The following DLGAP1 variants were observed in gnomAD, a reference collection of about 807,000 sequenced individuals.
DLGAP1 encodes the protein DLG associated protein 1, also known as disks large-associated protein 1.
DLGAP1 carries 11 observed loss-of-function variants against 90.8 expected under a neutral mutation model. That is an observed-to-expected ratio of 0.12 (90% CI 0.08 to 0.20). The LOEUF (loss-of-function observed/expected upper bound fraction) is 0.20, where lower values mean the gene tolerates loss of function less well. Among genes scored for constraint, DLGAP1 ranks in the 10% least tolerant of loss-of-function variants. DLGAP1 has a pLI of 1.00. For missense variants in DLGAP1, 1,050 were observed against 1,333.8 expected, an observed-to-expected ratio of 0.79 and a Z score of 3.31; for synonymous variants, 558 against 540.7, an observed-to-expected ratio of 1.03 and a Z score of -0.44.
intron 1 of DLGAP1, among the ~76,000 whole-genome samples, chr18:4,381,012 A>G (rs891947683): frequency 6.6e-6 from 1 of 152,204 alleles, no homozygotes; most frequent in Non-Finnish European, 1.5e-5. Flanking sequence ...AAGAATACTC[A>G]TTTAATTTAT....
intron 5 of DLGAP1, among the ~76,000 whole-genome samples, chr18:3,768,444 A>C (rs2064358185): frequency 6.6e-6 from 1 of 152,180 alleles, no homozygotes; most frequent in South Asian, 2.1e-4. Context: ...GATATAGACA[A>C]GATTTTTTAA....
Position 3,499,273 on chromosome 18 carries a change from T to G in DLGAP1, c.2846A>C (p.Lys949Thr). ...QEARKRLMAA[K>T]RAASVRQNSA... ...GTTCTGGCGGACGGACGCGGCGCGC[T>G]TGGCGGCCATCAGGCGCTTGCGGGC... The change falls in exon 13 of 13, where the codon AAG (lysine) becomes ACG (threonine). Residue 949 changes from lysine to threonine, a missense_variant. Lys to Thr is a moderately conservative substitution (Grantham distance 78). This residue lies in a region of DLGAP1 where 565 missense variants were observed against 879.7 expected (regional missense o/e 0.64). Transcript: ENST00000315677. The surrounding 1 kb of genome is among the most constrained non-coding windows in gnomAD (Gnocchi z 6.4). 6.3e-7 allele frequency: 1 copy of G among 1,599,602 alleles called. No individual in the cohort carries two copies. Among genetic ancestry groups the G allele is most frequent in the Non-Finnish European group, 8.5e-7 (1 of 1,174,058 alleles).
intron 7 of DLGAP1, among the ~76,000 whole-genome samples, chr18:3,599,780 G>T (rs374303838): frequency 2.0e-5 from 3 of 151,900 alleles, no homozygotes; most frequent in Non-Finnish European, 4.4e-5. Flanking sequence ...CACCACGCCC[G>T]GCTAATTTTG....
chr18:4,099,272 C>G (rs1294393015), intron 2 of DLGAP1, among the ~76,000 whole-genome samples: 2 of 91,698 alleles, frequency 2.2e-5, no homozygotes, highest in Non-Finnish European at 4.6e-5. Flanking sequence ...GTCTGTCTGT[C>G]TATCTATCTA....
At chr18:4,258,030 C>T (rs2078931824) in intron 1 of DLGAP1, among the ~76,000 whole-genome samples, 1 of 147,430 alleles carries the variant, frequency 6.8e-6, no homozygotes, top group African/African-American at 2.6e-5. Context: ...CGCGTATAAC[C>T]TATGTTGAAT....
At chr18:4,132,696 C>T (rs1333841002) in intron 2 of DLGAP1, among the ~76,000 whole-genome samples, 1 of 152,082 alleles carries the variant, frequency 6.6e-6, no homozygotes, top group Admixed American at 6.6e-5. Context: ...AAAGAGTTCC[C>T]ACTTAAAATT....
intron 9 of DLGAP1, among the ~76,000 whole-genome samples, chr18:3,547,395 A>G (rs1362196490): frequency 6.6e-6 from 1 of 151,474 alleles, no homozygotes; most frequent in Non-Finnish European, 1.5e-5. Flanking sequence ...AGAACTCTTA[A>G]AACACTCAAC....
In DLGAP1 at chr18:3,729,470, G is replaced by A. The variant is rs1217996549; in HGVS notation, c.1351-95C>T. 6.7e-7 allele frequency: 1 copy of A among 1,499,620 alleles called. No individual in the cohort carries two copies. Among genetic ancestry groups the A allele is most frequent in the African/African-American group, 1.4e-5 (1 of 71,914 alleles). The allele number at this position is 1,499,620 out of a possible 1,614,324, so 92.9% of individuals were successfully genotyped here. On this transcript the variant is annotated intron_variant, in intron 6 of 12. Coordinates refer to ENST00000315677, the MANE Select transcript of DLGAP1 (RefSeq NM_004746.4). The surrounding 1 kb of genome is among the most constrained non-coding windows in gnomAD (Gnocchi z 6.2). ...CGAACTTCAATCCCCAGAAGAAAAA[G>A]CAGCGTCTGGTTAGATTAAGCTCAA... is the stretch of plus-strand genomic sequence containing the variant.
chr18:3,624,109 G>C lies in DLGAP1; in HGVS notation c.1592-41861C>G, dbSNP rs377544687. 2.6e-5 allele frequency among the ~76,000 whole-genome samples: 4 copies of C among 152,316 alleles called. No homozygotes were observed. In the South Asian group the frequency reaches 6.2e-4, roughly 24 times the overall value. On this transcript the variant is annotated intron_variant, in intron 7 of 12. Coordinates refer to ENST00000315677, the MANE Select transcript of DLGAP1 (RefSeq NM_004746.4). ...GATTAATCAAATGCCAGTGTTAGGG[G>C]AAAGCAGCCTTTCCCTGAGTCACCT...
chr18:4,307,166 T>C (rs1033533790), intron 1 of DLGAP1, among the ~76,000 whole-genome samples: 18 of 152,204 alleles, frequency 1.2e-4, no homozygotes, highest in Non-Finnish European at 2.9e-5. Context: ...GGGCACTGTG[T>C]GTATCCAGGT....
intron 10 of DLGAP1, among the ~76,000 whole-genome samples, chr18:3,532,144 CA>C (rs1340858199): frequency 6.6e-6 from 1 of 152,040 alleles, no homozygotes; most frequent in East Asian, 1.9e-4. Flanking sequence ...TATGAGCCAC[CA>C]CACCTGGTGC....
intron 7 of DLGAP1, among the ~76,000 whole-genome samples, chr18:3,668,118 A>G (rs766294008): frequency 1.3e-5 from 2 of 152,124 alleles, no homozygotes; most frequent in Non-Finnish European, 2.9e-5. Context: ...TTTTTCCTTA[A>G]GTGCCCTTCT....
chr18:3,772,381 TTTCTTTCTTTCTTTCTTTC>T (rs2064698945), intron 5 of DLGAP1, among the ~76,000 whole-genome samples: 1 of 13,266 alleles, frequency 7.5e-5, no homozygotes, highest in African/African-American at 1.1e-4. Context: ...TCTTTCTTTC[TTTCTTTCTTTCTTTCTTTC>T]TTTCTTTCTC....
intron 2 of DLGAP1, among the ~76,000 whole-genome samples, chr18:4,114,374 G>A (rs1318978236): frequency 6.6e-6 from 1 of 151,904 alleles, no homozygotes; most frequent in Non-Finnish European, 1.5e-5. Context: ...TGTGACAATT[G>A]TAAATGGGAT....
At chr18:3,665,767 T>C (rs1228620419) in intron 7 of DLGAP1, among the ~76,000 whole-genome samples, 1 of 152,172 alleles carries the variant, frequency 6.6e-6, no homozygotes, top group East Asian at 1.9e-4. Context: ...GACAGGCATA[T>C]TCCGTATCAT....
intron 1 of DLGAP1, among the ~76,000 whole-genome samples, chr18:4,170,256 A>G (rs1026711891): frequency 6.6e-5 from 10 of 152,170 alleles, no homozygotes; most frequent in African/African-American, 2.4e-4. Flanking sequence ...AGAATTCAAG[A>G]TTTTTAGCTT....
intron 7 of DLGAP1, among the ~76,000 whole-genome samples, chr18:3,671,469 T>C (rs550686400): frequency 6.6e-6 from 1 of 152,324 alleles, no homozygotes; most frequent in Non-Finnish European, 1.5e-5. Flanking sequence ...GCTCCATAAA[T>C]GCTTGTTAAA....
chr18:4,265,462 C>T (rs2079092030), intron 1 of DLGAP1, among the ~76,000 whole-genome samples: 1 of 144,160 alleles, frequency 6.9e-6, no homozygotes, highest in African/African-American at 2.5e-5. Flanking sequence ...AGCCACTGCA[C>T]CCAGCCCCTT....
chr18:4,336,854 A>C (rs1018795209), intron 1 of DLGAP1, among the ~76,000 whole-genome samples: 3 of 151,480 alleles, frequency 2.0e-5, no homozygotes, highest in African/African-American at 7.3e-5. Flanking sequence ...TTATGTTAGC[A>C]TTACGGTATC....
Sources: gnomAD v4.1 joint callset for allele counts (sites outside exome capture counted in the v4.1 genomes callset) on GRCh38, gnomAD v4.1.1 for gene constraint, gnomAD v4.1.1 regional missense constraint, Gnocchi (gnomAD v3.1) non-coding constraint, MANE v1.5 for transcripts, NCBI Gene and HGNC (gene_info 2026-07-23, HGNC 2026-07-21) for gene names.